PDXDC1: variants seen among roughly 807,000 people sequenced by gnomAD.
The protein encoded by PDXDC1 is pyridoxal-dependent decarboxylase domain-containing protein 1.
A neutral mutation model predicts 100.1 loss-of-function variants in PDXDC1; 42 were observed. The observed-to-expected ratio is 0.42, with a 90% confidence interval of 0.33 to 0.54. PDXDC1 has a LOEUF of 0.54. Ranked by LOEUF, PDXDC1 falls within the 20% of genes least tolerant of loss-of-function variation. The pLI is 0.10. For missense variants in PDXDC1, 636 were observed against 979.2 expected, an observed-to-expected ratio of 0.65 and a Z score of 4.68; for synonymous variants, 260 against 371.7, an observed-to-expected ratio of 0.70 and a Z score of 3.46.
intron 19 of PDXDC1, among the ~76,000 whole-genome samples, chr16:15,033,658 A>G (rs893830337): frequency 2.0e-5 from 3 of 152,184 alleles, no homozygotes; most frequent in African/African-American, 7.2e-5. Context: ...CTTAGAGAAG[A>G]GGGCGGGTAG....
intron 16 of PDXDC1, among the ~76,000 whole-genome samples, chr16:15,132,337 G>GAGGGA (rs1456961337): frequency 3.4e-5 from 1 of 29,556 alleles, no homozygotes; most frequent in Non-Finnish European, 7.4e-5. Flanking sequence ...GAGGGGAGGG[G>GAGGGA]GCAGGGGCTA....
chr16:15,134,045 C>T (rs765072953), intron 16 of PDXDC1: 2 of 1,570,458 alleles, frequency 1.3e-6, no homozygotes, highest in African/African-American at 1.3e-5. Context: ...GCACCAGTGT[C>T]TTGTTGCTGA....
At chr16:15,051,934 G>A (rs2044308773) in intron 16 of PDXDC1, among the ~76,000 whole-genome samples, 1 of 151,572 alleles carries the variant, frequency 6.6e-6, no homozygotes. Flanking sequence ...AAACCACACA[G>A]TCCTACTTTA....
intron 13 of PDXDC1, among the ~76,000 whole-genome samples, chr16:15,024,444 T>TAC (rs1470236072): frequency 2.7e-5 from 4 of 148,268 alleles, no homozygotes; most frequent in African/African-American, 1.0e-4. Context: ...TCTCACTATG[T>TAC]AGCCCAGACT....
intron 16 of PDXDC1, among the ~76,000 whole-genome samples, chr16:15,065,771 T>A (rs1158793639): frequency 1.3e-5 from 2 of 152,064 alleles, no homozygotes; most frequent in Non-Finnish European, 2.9e-5. Flanking sequence ...AGGTTGGTGG[T>A]AAAGGGATTC....
chr16:15,094,519 G>A, intron 16 of PDXDC1: 1 of 520,700 alleles, frequency 1.9e-6, no homozygotes, highest in Non-Finnish European at 3.4e-6. Context: ...GAAACACCCT[G>A]GATGTGCTAA....
chr16:15,125,381 C>A (rs1421874781), intron 16 of PDXDC1: 83 of 729,778 alleles, frequency 1.1e-4, no homozygotes, highest in Middle Eastern at 3.7e-4. Flanking sequence ...ACACAGCCCA[C>A]CCCCGTCCAG....
At chr16:14,998,592 G>A (rs1434851884) in intron 3 of PDXDC1, among the ~76,000 whole-genome samples, 187 bp downstream of exon 3, 6 of 152,280 alleles carry the variant, frequency 3.9e-5, no homozygotes, top group African/African-American at 1.2e-4. Flanking sequence ...GGGATTACAG[G>A]CGTGCACCAC....
intron 16 of PDXDC1, among the ~76,000 whole-genome samples, chr16:15,043,356 A>G (rs143819486): frequency 6.6e-6 from 1 of 152,160 alleles, no homozygotes; most frequent in Non-Finnish European, 1.5e-5. Context: ...CTTTTTTAAG[A>G]GTTATGGCGA....
intron 16 of PDXDC1, chr16:15,085,615 G>A (rs757258366): frequency 1.2e-5 from 20 of 1,607,808 alleles, no homozygotes; most frequent in Non-Finnish European, 1.6e-5. Flanking sequence ...ACTGTGCCCA[G>A]GCTTTAAACC....
At chr16:15,075,388 C>G (rs1312073031) in intron 16 of PDXDC1, among the ~76,000 whole-genome samples, 1 of 151,934 alleles carries the variant, frequency 6.6e-6, no homozygotes. Context: ...GCCTGGGCAA[C>G]ACAGTGAGAC....
At chr16:15,074,068 C>G (rs970565475) in intron 16 of PDXDC1, among the ~76,000 whole-genome samples, 1 of 152,188 alleles carries the variant, frequency 6.6e-6, no homozygotes, top group Non-Finnish European at 1.5e-5. Context: ...CTTCAAAATG[C>G]TCACAATGGT....
At chr16:14,995,140 C>T (rs903295551) in intron 1 of PDXDC1, among the ~76,000 whole-genome samples, 1 of 152,300 alleles carries the variant, frequency 6.6e-6, no homozygotes, top group Non-Finnish European at 1.5e-5. Flanking sequence ...ATTTCCTTCT[C>T]CTGCCTCATT....
chr16:14,974,774 G>C (rs1240501438), upstream of PDXDC1: 1 of 1,535,486 alleles, frequency 6.5e-7, no homozygotes, highest in Non-Finnish European at 8.7e-7. Flanking sequence ...AGGTGAGGCG[G>C]GAGACTTGGA....
chr16:15,029,277 G>T lies in PDXDC1; in HGVS notation c.1293+311G>T, dbSNP rs539274850. 4 of 578,056 alleles carry T rather than the reference G, an allele frequency of 6.9e-6. No individual in the cohort carries two copies. The East Asian group carries it at 1.2e-4, about 17-fold the overall frequency. 35.8% of individuals were successfully genotyped at this position (578,056 alleles called of 1,614,324 possible). On this transcript the variant is annotated intron_variant, in intron 15 of 22. Coordinates refer to ENST00000396410, the MANE Select transcript of PDXDC1 (RefSeq NM_015027.4). ...TCTGGTGAGCCTGGGCAGCACAGCC[G>T]GGAGCCCCAGGCAGAGTCTGCCGAG... is the stretch of plus-strand genomic sequence containing the variant.
intron 15 of PDXDC1, 43 bp downstream of exon 15, chr16:15,029,009 C>T (rs1247521498): frequency 3.1e-6 from 5 of 1,590,982 alleles, no homozygotes; most frequent in Non-Finnish European, 4.3e-6. Flanking sequence ...GGTCCCCGTC[C>T]ATCACCATCC....
intron 16 of PDXDC1, among the ~76,000 whole-genome samples, chr16:15,095,372 C>T (rs1201172903): frequency 2.0e-5 from 3 of 151,782 alleles, no homozygotes; most frequent in Admixed American, 1.3e-4. Context: ...CGGTGAAACT[C>T]CATCTCTACA....
intron 16 of PDXDC1, among the ~76,000 whole-genome samples, chr16:15,091,867 G>A (rs1245588030): frequency 6.6e-6 from 1 of 152,086 alleles, no homozygotes; most frequent in Non-Finnish European, 1.5e-5. Flanking sequence ...GTAATGCTTA[G>A]GTAAGTTCCT....
intron 16 of PDXDC1, chr16:15,128,026 G>A (rs1469715829): frequency 8.1e-6 from 13 of 1,599,640 alleles, no homozygotes; most frequent in Admixed American, 1.7e-5. Flanking sequence ...CCAGGCCCCC[G>A]TTGGCCTCCG....
Sources: gnomAD v4.1 joint callset for allele counts (sites outside exome capture counted in the v4.1 genomes callset) on GRCh38, gnomAD v4.1.1 for gene constraint, MANE v1.5 for transcripts, NCBI Gene and HGNC (gene_info 2026-07-23, HGNC 2026-07-21) for gene names.